ZNF700: variants seen among roughly 807,000 people sequenced by gnomAD.
ZNF700 encodes the protein zinc finger protein 700.
A neutral mutation model predicts 65.3 loss-of-function variants in ZNF700; 38 were observed. The ratio of observed to expected loss-of-function variants is 0.58; its 90% CI spans 0.45 to 0.76. The LOEUF (loss-of-function observed/expected upper bound fraction) is 0.76, where lower values mean the gene tolerates loss of function less well. ZNF700 is among the 30% of genes least tolerant of loss of function. The pLI, the probability that ZNF700 is intolerant of heterozygous loss-of-function variation, is 0.00. For synonymous variants in ZNF700, 285 were observed against 290.4 expected, an observed-to-expected ratio of 0.98 and a Z score of 0.19; for missense variants, 857 against 888.4, an observed-to-expected ratio of 0.96 and a Z score of 0.45.
At position 11,948,797 on chromosome 19, in the gene ZNF700, CCTTTA is replaced by C. The variant is rs764072935; in HGVS notation, c.777_781del (p.Phe259LeufsTer9). ...TATGAATGTAAACAATGTGGTAAATCCTTTACTTATTCTGCTACCCTTCAAATACA... is the reference window on the plus strand; with the variant it reads ...TATGAATGTAAACAATGTGGTAAATCCTTATTCTGCTACCCTTCAAATACA... On this transcript the variant is annotated frameshift_variant, in exon 4 of 4. Coordinates refer to ENST00000254321, the MANE Select transcript of ZNF700 (RefSeq NM_144566.3). LOFTEE classifies it high-confidence loss of function. 3 of 1,610,198 alleles carry C rather than the reference CCTTTA, an allele frequency of 1.9e-6. No individual in the cohort carries two copies. Among genetic ancestry groups the C allele is most frequent in the Non-Finnish European group, 2.5e-6 (3 of 1,178,912 alleles).
intron 1 of ZNF700, among the ~76,000 whole-genome samples, chr19:11,940,854 GA>G (rs1480497508): frequency 6.6e-6 from 1 of 152,080 alleles, no homozygotes; most frequent in East Asian, 1.9e-4. Flanking sequence ...GCTAGATACA[GA>G]GTGTTGACAT....
At chr19:11,925,470 C>T (rs564729975) in intron 1 of ZNF700, among the ~76,000 whole-genome samples, 197 bp downstream of exon 1, 1 of 152,150 alleles carries the variant, frequency 6.6e-6, no homozygotes, top group Admixed American at 6.5e-5. Flanking sequence ...GGCGTCCTGT[C>T]CCGTCCCTGC....
At position 11,950,115 on chromosome 19, in the gene ZNF700, A is replaced by G. The variant is rs1479031576; in HGVS notation, c.2091A>G (p.Thr697=). 1 of 1,614,112 alleles carries G rather than the reference A, an allele frequency of 6.2e-7. No individual in the cohort carries two copies. ...SAKILQIHAR[T]HIGEKHYECK... is the part of the protein sequence containing the mutation. ...AGATTCTTCAAATACATGCAAGAAC[A>G]CACATTGGAGAGAAACACTATGAAT... The change falls in exon 4 of 4, where the codon ACA becomes ACG. Residue 697 remains threonine (T), a synonymous_variant. Coordinates refer to ENST00000254321, the MANE Select transcript of ZNF700 (RefSeq NM_144566.3).
intron 1 of ZNF700, among the ~76,000 whole-genome samples, chr19:11,930,793 G>A (rs1972701842): frequency 6.8e-6 from 1 of 148,036 alleles, no homozygotes; most frequent in African/African-American, 2.6e-5. Context: ...CTGAGGTCAG[G>A]AGTTTGAGAC....
intron 1 of ZNF700, among the ~76,000 whole-genome samples, chr19:11,945,121 T>C (rs1972940291): frequency 1.3e-5 from 2 of 152,212 alleles, no homozygotes; most frequent in Admixed American, 1.3e-4. Flanking sequence ...TGTAAAAGGC[T>C]TTGTTAGATT....
At chr19:11,944,323 T>C (rs1972927714) in intron 1 of ZNF700, among the ~76,000 whole-genome samples, 1 of 109,326 alleles carries the variant, frequency 9.1e-6, no homozygotes, top group Non-Finnish European at 1.6e-5. Flanking sequence ...AATTTAATCT[T>C]AATACCACAG....
intron 1 of ZNF700, among the ~76,000 whole-genome samples, chr19:11,926,952 G>A (rs1240641994): frequency 6.6e-6 from 1 of 152,168 alleles, no homozygotes; most frequent in Admixed American, 6.5e-5. Flanking sequence ...GTTCTTGCTT[G>A]TATTACCAGG....
At position 11,950,454 on chromosome 19, in the gene ZNF700, C is replaced by G; in HGVS notation, c.*201C>G. On this transcript the variant is annotated 3_prime_UTR_variant, in exon 4 of 4. Transcript: ENST00000254321. ...CTTTTCAATGTCATGAAAGGACTCA[C>G]ACGGGAGAGAAACCCTATGAGTGTA... 1.4e-6 allele frequency: 1 copy of G among 714,396 alleles called. No homozygotes were observed. The highest frequency in any genetic ancestry group is 2.3e-5 in the Admixed American group (1 of 44,162). The allele number at this position is 714,396 out of a possible 1,614,324, so 44.3% of individuals were successfully genotyped here.
At position 11,949,064 on chromosome 19, in the gene ZNF700, T is replaced by C. The variant is rs201761184; in HGVS notation, c.1040T>C (p.Ile347Thr). Residue 347 changes from isoleucine to threonine, a missense_variant, in exon 4 of 4, where the codon ATA (isoleucine) becomes ACA (threonine). Around this residue, in one of 3 missense-constraint regions of ZNF700, gnomAD observed 603 missense variants for 619.9 expected, o/e 0.97. Coordinates refer to ENST00000254321, the MANE Select transcript of ZNF700 (RefSeq NM_144566.3). ...KQYGEGLSYL[I>T]SFQTHIRMNS... Reference sequence around the variant, plus strand: ...TATGGGGAAGGCTTATCCTATCTTATAAGTTTTCAAACACACATAAGAATG... The same window carrying C: ...TATGGGGAAGGCTTATCCTATCTTACAAGTTTTCAAACACACATAAGAATG... 107 of 1,609,016 alleles carry C rather than the reference T, an allele frequency of 6.7e-5. No homozygotes were observed. The highest frequency in any genetic ancestry group is 8.8e-5 in the Non-Finnish European group (104 of 1,179,034).
chr19:11,945,963 C>T (rs2036860127), intron 1 of ZNF700, among the ~76,000 whole-genome samples: 2 of 152,078 alleles, frequency 1.3e-5, no homozygotes, highest in South Asian at 2.1e-4. Flanking sequence ...TATCAATAGT[C>T]TTTTTGGATA....
intron 1 of ZNF700, among the ~76,000 whole-genome samples, chr19:11,946,435 T>C (rs1474957259): frequency 6.6e-6 from 1 of 152,136 alleles, no homozygotes; most frequent in Non-Finnish European, 1.5e-5. Flanking sequence ...AGGAGCTGAC[T>C]TCCCTTGGCG....
chr19:11,927,188 T>C (rs1972641778), intron 1 of ZNF700, among the ~76,000 whole-genome samples: 1 of 151,810 alleles, frequency 6.6e-6, no homozygotes, highest in Non-Finnish European at 1.5e-5. Context: ...CCCCATCTCT[T>C]CCAAAACTAG....
At position 11,929,568 on chromosome 19, in the gene ZNF700, T is replaced by C. The variant is rs940506884; in HGVS notation, c.63+4295T>C. ...ATTAAGCATGAATTTTATTTCCCTA[T>C]ACATTAGTAATTTCTGAGAGTTGTA... is the stretch of plus-strand genomic sequence containing the variant. On this transcript the variant is annotated intron_variant, in intron 1 of 3. Transcript: ENST00000254321. Among the ~76,000 whole-genome samples the C allele has an allele frequency of 2.0e-4, 30 of 148,454 alleles. 2 individuals are homozygous for C. The highest frequency in any genetic ancestry group is 5.5e-4 in the African/African-American group (21 of 38,026).
In ZNF700 at chr19:11,950,487, TC is replaced by T. The variant is rs1326364676; in HGVS notation, c.*236del. The T allele has an allele frequency of 3.0e-6, 2 of 658,402 alleles. No homozygotes were observed. Among genetic ancestry groups the T allele is most frequent in the East Asian group, 2.8e-5 (1 of 35,728 alleles). The allele number at this position is 658,402 out of a possible 1,614,324, so 40.8% of individuals were successfully genotyped here. A position where few individuals can be genotyped will look rare whatever the true frequency, so the allele number is the denominator to read the frequency against. Reference sequence around the variant, plus strand: ...AGAAACCCTATGAGTGTATTCTAGTTCCGTTTGATATCATGAAAGGACTTAC... The same window carrying T: ...AGAAACCCTATGAGTGTATTCTAGTTCGTTTGATATCATGAAAGGACTTAC... On this transcript the variant is annotated 3_prime_UTR_variant, in exon 4 of 4. Transcript: ENST00000254321.
intron 1 of ZNF700, among the ~76,000 whole-genome samples, chr19:11,938,082 G>A (rs564924616): frequency 8.6e-5 from 13 of 151,220 alleles, no homozygotes; most frequent in South Asian, 8.4e-4. Context: ...TTTTTTGTTC[G>A]TTTGGAGACG....
At chr19:11,942,336 G>A (rs1972898047) in intron 1 of ZNF700, among the ~76,000 whole-genome samples, 1 of 151,742 alleles carries the variant, frequency 6.6e-6, no homozygotes, top group South Asian at 2.1e-4. Context: ...ACAGCCTCAG[G>A]ACTGCTAATG....
chr19:11,949,506 G>A lies in ZNF700; in HGVS notation c.1482G>A (p.Arg494=). Residue 494 remains arginine (R), a synonymous_variant, in exon 4 of 4, where the codon AGG becomes AGA. Coordinates refer to ENST00000254321, the MANE Select transcript of ZNF700 (RefSeq NM_144566.3). ...RYVKHLQIHE[R]TEKHIRMPSG... is the part of the protein sequence containing the mutation. ...TGAAGCACCTTCAAATTCATGAAAG[G>A]ACAGAAAAACACATAAGAATGCCCT... The A allele has an allele frequency of 1.2e-6, 2 of 1,611,712 alleles. No individual in the cohort carries two copies. The highest frequency in any genetic ancestry group is 1.7e-6 in the Non-Finnish European group (2 of 1,179,488).
rs1450274326 is a variant in ZNF700 at position 11,925,129 on chromosome 19, G to A, written c.-82G>A. The A allele has an allele frequency of 3.9e-6, 6 of 1,546,076 alleles. No homozygotes were observed. Among genetic ancestry groups the A allele is most frequent in the Non-Finnish European group, 5.3e-6 (6 of 1,130,520 alleles). ...TTTCCTCACCTTCCTCGCTGCGCGG[G>A]CGGCGGTTGGTAACCGGTCAGACCA... On this transcript the variant is annotated 5_prime_UTR_variant, in exon 1 of 4. Coordinates refer to ENST00000254321, the MANE Select transcript of ZNF700 (RefSeq NM_144566.3).
chr19:11,949,838 C>G lies in ZNF700; in HGVS notation c.1814C>G (p.Ser605Ter). The G allele has an allele frequency of 6.2e-7, 1 of 1,609,048 alleles. No homozygotes were observed. Among genetic ancestry groups the G allele is most frequent in the Non-Finnish European group, 8.5e-7 (1 of 1,178,514 alleles). Residue 605 changes from serine to a stop codon, truncating the protein, a stop_gained, in exon 4 of 4, where the codon TCA (serine) becomes TGA (stop). Transcript: ENST00000254321. LOFTEE classifies it high-confidence loss of function. The part of the protein sequence containing the change: ...KQCGKAFSCA[S>*]NLRKHGRTHT... ...TGTGGGAAAGCCTTCAGTTGTGCCTCAAACCTTCGAAAGCATGGTAGGACT... is the reference window on the plus strand; with the variant it reads ...TGTGGGAAAGCCTTCAGTTGTGCCTGAAACCTTCGAAAGCATGGTAGGACT...
Sources: gnomAD v4.1 joint callset for allele counts (sites outside exome capture counted in the v4.1 genomes callset) on GRCh38, gnomAD v4.1.1 for gene constraint, gnomAD v4.1.1 regional missense constraint, MANE v1.5 for transcripts, NCBI Gene and HGNC (gene_info 2026-07-23, HGNC 2026-07-21) for gene names.